The following NUP50 variants were observed in gnomAD, a reference collection of about 807,000 sequenced individuals.
NUP50 encodes the protein nucleoporin 50, also known as nuclear pore complex protein Nup50.
NUP50 carries 14 observed loss-of-function variants against 36.8 expected under a neutral mutation model. That is an observed-to-expected ratio of 0.38 (90% CI 0.25 to 0.59). The LOEUF (loss-of-function observed/expected upper bound fraction) is 0.59. Ranked by LOEUF, NUP50 falls within the 20% of genes least tolerant of loss-of-function variation. NUP50 has a pLI of 0.63. For missense variants in NUP50, 455 were observed against 564.6 expected (o/e 0.81, Z 1.97); for synonymous variants, 195 against 210.8 (o/e 0.93, Z 0.65).
intron 7 of NUP50, 89 bp from the exon 8 acceptor site, chr22:45,184,364 T>G (rs1227962052): frequency 6.8e-6 from 8 of 1,184,652 alleles, no homozygotes; most frequent in Non-Finnish European, 8.6e-6. Context: ...ATTAAGTTAT[T>G]TCAGCATTTA....
rs909127690 is a variant in NUP50 at position 45,183,643 on chromosome 22, G to A, written c.1204+123G>A. On this transcript the variant is annotated intron_variant, in intron 7 of 7. Transcript: ENST00000347635. The stretch of plus-strand genomic sequence containing the variant: ...AGCGCATTCAGGCCAAATTCATCCT[G>A]TATTTACTTATTTATAGTTTTGAGT... 3.2e-5 allele frequency: 22 copies of A among 691,454 alleles called. 1 individual carries two copies. In the East Asian group the frequency reaches 5.0e-4, roughly 16 times the overall value. The allele number at this position is 691,454 out of a possible 1,614,324, so 42.8% of individuals were successfully genotyped here.
intron 2 of NUP50, among the ~76,000 whole-genome samples, chr22:45,168,817 C>T (rs1441860379): frequency 1.3e-5 from 2 of 151,970 alleles, no homozygotes; most frequent in Non-Finnish European, 2.9e-5. Flanking sequence ...AAAATGGTCT[C>T]CCCTGAGGAA....
intron 3 of NUP50, among the ~76,000 whole-genome samples, chr22:45,172,811 G>A (rs766813871): frequency 5.3e-5 from 8 of 152,158 alleles, no homozygotes; most frequent in Non-Finnish European, 1.2e-4. Flanking sequence ...CACTCAGAGC[G>A]TCTCATAAAT....
Position 45,184,587 on chromosome 22 carries a change from A to T in NUP50, c.1339A>T (p.Ile447Phe), listed in dbSNP as rs756128960. The T allele has an allele frequency of 6.2e-7, 1 of 1,612,946 alleles. No homozygotes were observed. The highest frequency in any genetic ancestry group is 1.3e-5 in the African/African-American group (1 of 74,906). The change falls in exon 8 of 8, where the codon ATT (isoleucine) becomes TTT (phenylalanine). Residue 447 changes from isoleucine to phenylalanine, a missense_variant. Physicochemically the swap from Ile to Phe is conservative, Grantham distance 21. This residue lies in a region of NUP50 where 287 missense variants were observed against 345.5 expected (regional missense o/e 0.83). Transcript: ENST00000347635. Reference sequence around the variant, plus strand: ...TGCCACCATGCCAGTCACCATGTTGATTCGGGTAAAAACCAGCGAGGATGC... The same window carrying T: ...TGCCACCATGCCAGTCACCATGTTGTTTCGGGTAAAAACCAGCGAGGATGC... The part of the protein sequence containing the change: ...KNATMPVTML[I>F]RVKTSEDADE...
chr22:45,168,890 T>TA (rs1433644469), intron 2 of NUP50, among the ~76,000 whole-genome samples: 1,278 of 127,040 alleles, frequency 0.01, 23 homozygotes, highest in African/African-American at 0.035. Flanking sequence ...CCGGTCTCTA[T>TA]AAAAAAAATT....
At chr22:45,182,980 C>T (rs1043530698) in intron 6 of NUP50, among the ~76,000 whole-genome samples, 5 of 144,192 alleles carry the variant, frequency 3.5e-5, no homozygotes, top group Admixed American at 7.1e-5. Flanking sequence ...GAGAGGTGGG[C>T]GAGATAGGAC....
intron 3 of NUP50, 167 bp downstream of exon 3, chr22:45,171,850 C>A: frequency 1.8e-6 from 1 of 569,102 alleles, no homozygotes; most frequent in South Asian, 2.3e-5. Flanking sequence ...CAGGTCTGGA[C>A]CTTAAAGAGA....
intron 3 of NUP50, 132 bp from the exon 4 acceptor site, chr22:45,175,762 A>C (rs1773468543): frequency 1.5e-6 from 1 of 656,266 alleles, no homozygotes; most frequent in Admixed American, 3.2e-5. Flanking sequence ...TGCTTGTGCC[A>C]GCAGTTTGCC....
chr22:45,178,322 C>T lies in NUP50; in HGVS notation c.425C>T (p.Ser142Phe), dbSNP rs1006110340. Residue 142 changes from serine (S) to phenylalanine (F), a missense_variant, in exon 5 of 8, where the codon TCC becomes TTC. Around this residue, in one of 3 missense-constraint regions of NUP50, gnomAD observed 166 missense variants for 202.8 expected, o/e 0.82. Coordinates refer to ENST00000347635, the MANE Select transcript of NUP50 (RefSeq NM_007172.4). ...AATGGGGACAGTCAGCAGCCCTCCT[C>T]CTCTGGCCTTGCTTCCAGTAAAGCT... ...KTNGDSQQPS[S>F]SGLASSKACV... The T allele has an allele frequency of 2.5e-6, 4 of 1,613,912 alleles. No individual in the cohort carries two copies. The highest frequency in any genetic ancestry group is 1.6e-4 in the Middle Eastern group (1 of 6,078).
Position 45,175,970 on chromosome 22 carries a change from G to T in NUP50, c.230G>T (p.Gly77Val). 6 of 1,614,134 alleles carry T rather than the reference G, an allele frequency of 3.7e-6. No homozygotes were observed. Among genetic ancestry groups the T allele is most frequent in the Non-Finnish European group, 5.1e-6 (6 of 1,180,018 alleles). ...GGAGGAGGACGCTTTTCTGGATTTG[G>T]TAGTGGCGCTGGAGGGAAGCCTTTG... ...PSGGGRFSGF[G>V]SGAGGKPLEG... The change falls in exon 4 of 8, where the codon GGT becomes GTT. Residue 77 changes from glycine to valine, a missense_variant. Coordinates refer to ENST00000347635, the MANE Select transcript of NUP50 (RefSeq NM_007172.4).
intron 1 of NUP50, among the ~76,000 whole-genome samples, chr22:45,165,226 C>A (rs537573988): frequency 7.2e-5 from 11 of 152,290 alleles, no homozygotes; most frequent in African/African-American, 2.4e-4. Flanking sequence ...CAAACGCAAA[C>A]GTTTTTTAAA....
intron 4 of NUP50, chr22:45,177,922 T>G: frequency 3.6e-6 from 1 of 276,046 alleles, no homozygotes; most frequent in Non-Finnish European, 7.0e-6. Flanking sequence ...AGGTCAGGAG[T>G]TCAAGACCAG....
intron 2 of NUP50, 89 bp from the exon 3 acceptor site, chr22:45,171,511 T>G: frequency 8.2e-7 from 1 of 1,225,674 alleles, no homozygotes; most frequent in East Asian, 2.4e-5. Context: ...CCGGACACAG[T>G]GGCTCAGTTC....
chr22:45,177,875 TC>T (rs2074301280), intron 4 of NUP50: 1 of 216,952 alleles, frequency 4.6e-6, no homozygotes, highest in African/African-American at 2.3e-5. Context: ...ACGCTTGTAA[TC>T]CCAGCACTTT....
chr22:45,178,274 A>G lies in NUP50; in HGVS notation c.377A>G (p.Asp126Gly). The G allele has an allele frequency of 1.2e-6, 2 of 1,613,986 alleles. No homozygotes were observed. Among genetic ancestry groups the G allele is most frequent in the Non-Finnish European group, 1.7e-6 (2 of 1,179,860 alleles). Residue 126 changes from aspartate to glycine, a missense_variant, in exon 5 of 8, where the codon GAT becomes GGT. Transcript: ENST00000347635. ...GCAAATGGCCCTACCACCTTGGTTG[A>G]TAAAGTTTCAAATCCCAAAACTAAT... ...LAANGPTTLV[D>G]KVSNPKTNGD... is the part of the protein sequence containing the mutation.
At chr22:45,171,160 T>G (rs1340118160) in intron 2 of NUP50, 4 of 1,187,330 alleles carry the variant, frequency 3.4e-6, no homozygotes, top group South Asian at 1.7e-5. Flanking sequence ...TGGGCAGGAC[T>G]CATCTTAAAA....
rs1039692587 is a variant in NUP50, at chr22:45,185,220, A to G, written c.*565A>G. 1 of 156,384 alleles carries G rather than the reference A, an allele frequency of 6.4e-6. No homozygotes were observed. Among genetic ancestry groups the G allele is most frequent in the Admixed American group, 6.1e-5 (1 of 16,278 alleles). 9.7% of individuals were successfully genotyped at this position (156,384 alleles called of 1,614,324 possible). A position where few individuals can be genotyped will look rare whatever the true frequency, so the allele number is the denominator to read the frequency against. On this transcript the variant is annotated 3_prime_UTR_variant, in exon 8 of 8. Coordinates refer to ENST00000347635, the MANE Select transcript of NUP50 (RefSeq NM_007172.4). ...TACTAAGTGTTCACCTCAGCGTTCG[A>G]ATCATTGGCCTGTAACCCTGTGGGC...
chr22:45,170,655 T>A (rs2074176877), intron 2 of NUP50, among the ~76,000 whole-genome samples: 2 of 152,192 alleles, frequency 1.3e-5, no homozygotes, highest in Non-Finnish European at 2.9e-5. Context: ...TGGTGCTTTT[T>A]AACTAAAATC....
intron 2 of NUP50, chr22:45,170,995 G>T (rs1031290549): frequency 1.3e-5 from 17 of 1,304,020 alleles, no homozygotes; most frequent in Non-Finnish European, 1.7e-5. Flanking sequence ...CAGGGTAAAA[G>T]AAGGGCTATA....
Sources: gnomAD v4.1 joint callset for allele counts (sites outside exome capture counted in the v4.1 genomes callset) on GRCh38, gnomAD v4.1.1 for gene constraint, gnomAD v4.1.1 regional missense constraint, MANE v1.5 for transcripts, NCBI Gene and HGNC (gene_info 2026-07-23, HGNC 2026-07-21) for gene names.